Variants in SEPTIN9 observed in about 807,000 individuals in gnomAD.
SEPTIN9 encodes septin 9.
In SEPTIN9, 13 loss-of-function variants were observed where a neutral mutation model predicts 56.6. That is an observed-to-expected ratio of 0.23 (90% confidence interval 0.15 to 0.37). The LOEUF (loss-of-function observed/expected upper bound fraction) is 0.37, where lower values mean the gene tolerates loss of function less well. Ranked by LOEUF, SEPTIN9 falls within the 10% of genes least tolerant of loss-of-function variation. The probability of loss-of-function intolerance (pLI) is 1.00; values close to 1 mark genes in which losing one functional copy is unlikely to be tolerated. For synonymous variants in SEPTIN9, 332 were observed against 334.1 expected, an observed-to-expected ratio of 0.99 and a Z score of 0.07; for missense variants, 650 against 823.1, an observed-to-expected ratio of 0.79 and a Z score of 2.57.
chr17:77,324,069 C>T (rs1407513336), intron 2 of SEPTIN9, among the ~76,000 whole-genome samples: 1 of 152,242 alleles, frequency 6.6e-6, no homozygotes, highest in Non-Finnish European at 1.5e-5. Context: ...CTCCCGAAAC[C>T]CTTGGCGTTC....
chr17:77,440,447 A>G (rs1317059400), intron 3 of SEPTIN9, among the ~76,000 whole-genome samples: 1 of 152,214 alleles, frequency 6.6e-6, no homozygotes, highest in African/African-American at 2.4e-5. Flanking sequence ...GAGCCACTGC[A>G]CCTGGCTTTC....
intron 3 of SEPTIN9, among the ~76,000 whole-genome samples, chr17:77,404,058 A>G (rs1227309509): frequency 3.3e-5 from 5 of 152,146 alleles, no homozygotes; most frequent in Non-Finnish European, 7.3e-5. Context: ...TGTCTGGCTC[A>G]TTTCACTCAG....
chr17:77,407,542 G>C (rs1448242455), intron 3 of SEPTIN9, among the ~76,000 whole-genome samples: 1 of 151,966 alleles, frequency 6.6e-6, no homozygotes, highest in Non-Finnish European at 1.5e-5. Flanking sequence ...CAGTGGGTGG[G>C]TGTTGGCTTC....
intron 3 of SEPTIN9, among the ~76,000 whole-genome samples, chr17:77,458,087 T>C (rs2038295637): frequency 6.6e-6 from 1 of 152,194 alleles, no homozygotes; most frequent in Admixed American, 6.5e-5. Flanking sequence ...CGAGCCCTTC[T>C]GAGGGCTGTA....
At chr17:77,363,928 C>G (rs553084831) in intron 2 of SEPTIN9, among the ~76,000 whole-genome samples, 1 of 151,588 alleles carries the variant, frequency 6.6e-6, no homozygotes. Flanking sequence ...CTGGCCAGAG[C>G]TGGCCAGGTC....
chr17:77,335,293 A>C (rs1240185939), intron 2 of SEPTIN9, among the ~76,000 whole-genome samples: 1 of 151,036 alleles, frequency 6.6e-6, no homozygotes, highest in African/African-American at 2.4e-5. Context: ...GTCCTGTATT[A>C]GTATATGTAC....
At chr17:77,488,596 A>C in intron 6 of SEPTIN9, 131 bp from the exon 7 acceptor site, 1 of 1,328,418 alleles carries the variant, frequency 7.5e-7, no homozygotes, top group Admixed American at 1.8e-5. Flanking sequence ...ATCTCCGCTC[A>C]GCAAGCCAGA....
rs548332714 is a variant in SEPTIN9, at chr17:77,305,309, C to T, written c.20-1832C>T. Reference sequence around the variant, plus strand: ...GGGCAGTTTGCCCAGCCCTGGGCCTCGCTTCCTCCTCTATGAAATGGGGCG... The same window carrying T: ...GGGCAGTTTGCCCAGCCCTGGGCCTTGCTTCCTCCTCTATGAAATGGGGCG... On this transcript the variant is annotated intron_variant, in intron 1 of 11. Coordinates refer to ENST00000427177, the MANE Select transcript of SEPTIN9 (RefSeq NM_001113491.2). Among the ~76,000 whole-genome samples, 8 of 152,208 alleles carry T rather than the reference C, an allele frequency of 5.3e-5. No homozygotes were observed. In the South Asian group the frequency reaches 6.2e-4, roughly 12 times the overall value.
At position 77,450,611 on chromosome 17, in the gene SEPTIN9, C is replaced by T. The variant is rs2037927897; in HGVS notation, c.722-31533C>T. The T allele has an allele frequency of 2.0e-6, 2 of 985,656 alleles. No individual in the cohort carries two copies. The highest frequency in any genetic ancestry group is 1.7e-5 in the African/African-American group (1 of 57,236). 61.1% of individuals were successfully genotyped at this position (985,656 alleles called of 1,614,324 possible). A position where few individuals can be genotyped will look rare whatever the true frequency, so the allele number is the denominator to read the frequency against. Reference sequence around the variant, plus strand: ...GCCCAGCCCCTATAGTGTCAGCTCCCTCCTCTGGGGACCCCCTTGCTTGTG... The same window carrying T: ...GCCCAGCCCCTATAGTGTCAGCTCCTTCCTCTGGGGACCCCCTTGCTTGTG... On this transcript the variant is annotated intron_variant, in intron 3 of 11. Transcript: ENST00000427177. This position sits in a 1 kb window ranked among gnomAD's most constrained non-coding sequence, Gnocchi z 6.0.
At chr17:77,342,989 C>G (rs1411871903) in intron 2 of SEPTIN9, among the ~76,000 whole-genome samples, 3 of 111,014 alleles carry the variant, frequency 2.7e-5, no homozygotes, top group African/African-American at 1.1e-4. Flanking sequence ...ATCAATGTAT[C>G]TGTCTGTCTG....
In SEPTIN9 at chr17:77,434,177, C is replaced by T. The variant is rs922347028; in HGVS notation, c.721+31474C>T. Among the ~76,000 whole-genome samples, 5 of 152,174 alleles carry T rather than the reference C, an allele frequency of 3.3e-5. No homozygotes were observed. The highest frequency in any genetic ancestry group is 7.3e-5 in the Non-Finnish European group (5 of 68,030). On this transcript the variant is annotated intron_variant, in intron 3 of 11. Coordinates refer to ENST00000427177, the MANE Select transcript of SEPTIN9 (RefSeq NM_001113491.2). This position sits in a 1 kb window ranked among gnomAD's most constrained non-coding sequence, Gnocchi z 5.0. ...GCCCCTTCCCCTTTAATCTGGGCAA[C>T]CTTGCTTTGGCCTGCTGTCTGCGGA...
chr17:77,452,878 C>T (rs1442573332), intron 3 of SEPTIN9, among the ~76,000 whole-genome samples: 2 of 149,666 alleles, frequency 1.3e-5, no homozygotes, highest in Non-Finnish European at 3.0e-5. Context: ...ATCTAGTATA[C>T]GAGTCCTTGT....
chr17:77,353,197 C>A (rs571470711), intron 2 of SEPTIN9, among the ~76,000 whole-genome samples: 36 of 152,246 alleles, frequency 2.4e-4, no homozygotes, highest in Admixed American at 6.5e-4. Context: ...GGAGAGGGAC[C>A]TGCGTGGCAA....
Position 77,453,250 on chromosome 17 carries a change from G to A in SEPTIN9, c.722-28894G>A, listed in dbSNP as rs1025776910. Among the ~76,000 whole-genome samples, 17 of 152,090 alleles carry A rather than the reference G, an allele frequency of 1.1e-4. No individual in the cohort carries two copies. The highest frequency in any genetic ancestry group is 2.4e-4 in the African/African-American group (10 of 41,416). On this transcript the variant is annotated intron_variant, in intron 3 of 11. Transcript: ENST00000427177. This position sits in a 1 kb window ranked among gnomAD's most constrained non-coding sequence, Gnocchi z 4.4. Reference sequence around the variant, plus strand: ...TGAGAGCCCTGCTTTAATGGAAGGCGGGGGCATAGTTGCAGGCAGAAGCCA... The same window carrying A: ...TGAGAGCCCTGCTTTAATGGAAGGCAGGGGCATAGTTGCAGGCAGAAGCCA...
chr17:77,401,037 TG>T, intron 2 of SEPTIN9, among the ~76,000 whole-genome samples: 1 of 152,134 alleles, frequency 6.6e-6, no homozygotes, highest in Non-Finnish European at 1.5e-5. Flanking sequence ...GAGAGGCTGA[TG>T]ACTGAGAAAG....
chr17:77,393,079 C>A (rs2035596888), intron 2 of SEPTIN9, among the ~76,000 whole-genome samples: 2 of 152,148 alleles, frequency 1.3e-5, no homozygotes, highest in African/African-American at 4.8e-5. Context: ...TTGTGTCCCT[C>A]CAGAAGCAGG....
intron 2 of SEPTIN9, chr17:77,373,781 C>G (rs1598271432): frequency 1.4e-6 from 1 of 705,422 alleles, no homozygotes; most frequent in South Asian, 2.8e-5. Flanking sequence ...CCTGCGCGCC[C>G]TCACAGGACC....
chr17:77,481,088 C>G (rs1435208523), intron 3 of SEPTIN9, among the ~76,000 whole-genome samples: 1 of 152,208 alleles, frequency 6.6e-6, no homozygotes, highest in African/African-American at 2.4e-5. Flanking sequence ...TGGGAACCAG[C>G]CCCATCCTGG....
In SEPTIN9 at chr17:77,459,484, G is replaced by A. The variant is rs2038362876; in HGVS notation, c.722-22660G>A. Among the ~76,000 whole-genome samples the A allele has an allele frequency of 6.6e-5, 10 of 152,338 alleles. No individual in the cohort carries two copies. The South Asian group carries it at 2.1e-3, about 32-fold the overall frequency. ...TTCCCCAGAGCACAGCCCCAGCCAG[G>A]CACACTGTGGGGTCCAGAAAGAGAA... On this transcript the variant is annotated intron_variant, in intron 3 of 11. Transcript: ENST00000427177.
Sources: allele counts gnomAD v4.1 joint callset (sites outside exome capture counted in the v4.1 genomes callset), GRCh38; gene constraint gnomAD v4.1.1; non-coding constraint Gnocchi (gnomAD v3.1); transcripts MANE v1.5; gene names NCBI Gene and HGNC (gene_info 2026-07-23, HGNC 2026-07-21).